CCDC7: variants seen among roughly 807,000 people sequenced by gnomAD.
CCDC7 encodes coiled-coil domain-containing protein 7.
In CCDC7, 183 loss-of-function variants were observed where a neutral mutation model predicts 196.9. The ratio of observed to expected loss-of-function variants is 0.93; its 90% CI spans 0.82 to 1.05. The LOEUF is 1.05. Among genes scored for constraint, CCDC7 ranks in the 50% least tolerant of loss-of-function variants. The pLI is 0.00. For missense variants in CCDC7, 1,540 were observed against 1,482.2 expected, an observed-to-expected ratio of 1.04 and a Z score of -0.64; for synonymous variants, 525 against 484.6, an observed-to-expected ratio of 1.08 and a Z score of -1.10.
intron 29 of CCDC7, among the ~76,000 whole-genome samples, chr10:32,804,036 A>G (rs965547108): frequency 6.6e-6 from 1 of 152,138 alleles, no homozygotes; most frequent in African/African-American, 2.4e-5. Flanking sequence ...TTTAACATTT[A>G]TTCATGAATT....
At chr10:32,617,469 G>A (rs919832813) in intron 18 of CCDC7, among the ~76,000 whole-genome samples, 1 of 151,342 alleles carries the variant, frequency 6.6e-6, no homozygotes, top group Non-Finnish European at 1.5e-5. Context: ...TATCTAACAG[G>A]TTTTGGTATG....
intron 18 of CCDC7, among the ~76,000 whole-genome samples, chr10:32,622,008 AGAGCTTAT>A (rs2063471666): frequency 6.6e-6 from 1 of 152,244 alleles, no homozygotes; most frequent in Non-Finnish European, 1.5e-5. Context: ...TTGTACTTAC[AGAGCTTAT>A]CAATCTCAGA....
At chr10:32,749,481 G>A (rs2075338642) in intron 28 of CCDC7, among the ~76,000 whole-genome samples, 2 of 151,962 alleles carry the variant, frequency 1.3e-5, no homozygotes, top group Non-Finnish European at 2.9e-5. Flanking sequence ...TTAATAACTA[G>A]GTATATCTAT....
chr10:32,609,576 A>C (rs1352125379), intron 18 of CCDC7, among the ~76,000 whole-genome samples: 1 of 152,140 alleles, frequency 6.6e-6, no homozygotes. Context: ...TTTATATTCA[A>C]GGTTACTGTT....
chr10:32,468,995 A>G (rs536349970), intron 5 of CCDC7, among the ~76,000 whole-genome samples: 108 of 152,354 alleles, frequency 7.1e-4, no homozygotes, highest in African/African-American at 2.5e-3. Context: ...TAGCCTGTAC[A>G]CTTCAGAATT....
At chr10:32,484,567 CT>C (rs2040626360) in intron 8 of CCDC7, among the ~76,000 whole-genome samples, 1 of 152,144 alleles carries the variant, frequency 6.6e-6, no homozygotes, top group African/African-American at 2.4e-5. Flanking sequence ...GCATTGCTGT[CT>C]TGTGCCAGTT....
intron 30 of CCDC7, among the ~76,000 whole-genome samples, chr10:32,810,510 G>A (rs976083224): frequency 2.0e-5 from 3 of 152,070 alleles, no homozygotes; most frequent in Non-Finnish European, 4.4e-5. Context: ...GAAGCATCCA[G>A]ATATATAAAG....
At chr10:32,457,374 G>T (rs1259921870) in intron 3 of CCDC7, among the ~76,000 whole-genome samples, 1 of 152,118 alleles carries the variant, frequency 6.6e-6, no homozygotes, top group South Asian at 2.1e-4. Context: ...AACTGAAAGT[G>T]GCTGAATAGT....
intron 20 of CCDC7, among the ~76,000 whole-genome samples, chr10:32,641,843 T>C (rs972630499): frequency 2.0e-5 from 3 of 152,246 alleles, no homozygotes; most frequent in African/African-American, 7.2e-5. Context: ...GTGGATGTCC[T>C]TTCCGTTTGT....
At chr10:32,576,512 A>G (rs1237079205) in intron 16 of CCDC7, among the ~76,000 whole-genome samples, 1 of 149,862 alleles carries the variant, frequency 6.7e-6, no homozygotes, top group Non-Finnish European at 1.5e-5. Context: ...AATGGCAAGT[A>G]GAATAAGCCT....
chr10:32,703,328 T>G (rs1383823662), intron 24 of CCDC7, among the ~76,000 whole-genome samples: 1 of 152,112 alleles, frequency 6.6e-6, no homozygotes, highest in African/African-American at 2.4e-5. Context: ...TCTTTATGAA[T>G]GTTGAATATT....
intron 30 of CCDC7, among the ~76,000 whole-genome samples, chr10:32,812,995 C>T (rs1013827241): frequency 6.6e-6 from 1 of 152,120 alleles, no homozygotes; most frequent in Non-Finnish European, 1.5e-5. Context: ...GGTAGTGAGG[C>T]AGTGCTCAGT....
At chr10:32,561,361 C>T (rs571376669) in intron 13 of CCDC7, among the ~76,000 whole-genome samples, 38 of 152,210 alleles carry the variant, frequency 2.5e-4, no homozygotes, top group South Asian at 2.5e-3. Context: ...TTTTCAGCAC[C>T]GCACCACACC....
chr10:32,456,587 T>A (rs937799533), intron 3 of CCDC7, among the ~76,000 whole-genome samples: 2 of 152,164 alleles, frequency 1.3e-5, no homozygotes, highest in Non-Finnish European at 2.9e-5. Flanking sequence ...TTGAATTAAT[T>A]CTTCAATAGT....
intron 28 of CCDC7, among the ~76,000 whole-genome samples, chr10:32,771,678 G>A (rs2079181154): frequency 6.6e-6 from 1 of 152,142 alleles, no homozygotes; most frequent in South Asian, 2.1e-4. Context: ...CTTTAATGGG[G>A]GTGGCAGGAG....
intron 13 of CCDC7, among the ~76,000 whole-genome samples, chr10:32,556,340 G>A (rs2054339461): frequency 6.6e-6 from 1 of 152,138 alleles, no homozygotes; most frequent in African/African-American, 2.4e-5. Context: ...TTTATCTCAT[G>A]TAAAGTTTGA....
chr10:32,727,939 C>T (rs529595173), intron 26 of CCDC7, among the ~76,000 whole-genome samples: 30 of 152,250 alleles, frequency 2.0e-4, no homozygotes, highest in African/African-American at 7.0e-4. Flanking sequence ...GGACAACCAG[C>T]GTTGTGATTC....
chr10:32,566,248 A>C (rs761032166), intron 14 of CCDC7, among the ~76,000 whole-genome samples: 3 of 152,196 alleles, frequency 2.0e-5, no homozygotes, highest in Non-Finnish European at 4.4e-5. Flanking sequence ...TGTTTTTGTT[A>C]ATAGAAGTAT....
At chr10:32,820,536 G>A (rs2089956294) in intron 31 of CCDC7, among the ~76,000 whole-genome samples, 2 of 152,278 alleles carry the variant, frequency 1.3e-5, no homozygotes, top group Non-Finnish European at 2.9e-5. Flanking sequence ...GAACAAAGCT[G>A]GAGGCATCAC....
Sources: allele counts gnomAD v4.1 joint callset (sites outside exome capture counted in the v4.1 genomes callset), GRCh38; gene constraint gnomAD v4.1.1; transcripts MANE v1.5; gene names NCBI Gene and HGNC (gene_info 2026-07-23, HGNC 2026-07-21).